The following TMEM266 variants were observed in gnomAD, a reference collection of about 807,000 sequenced individuals.
The protein encoded by TMEM266 is transmembrane protein 266.
A neutral mutation model predicts 50.5 loss-of-function variants in TMEM266; 33 were observed. The ratio of observed to expected loss-of-function variants is 0.65; its 90% CI spans 0.50 to 0.87. The LOEUF (loss-of-function observed/expected upper bound fraction) is 0.87. Ranked by LOEUF, TMEM266 falls within the 40% of genes least tolerant of loss-of-function variation. TMEM266 has a pLI of 0.00. For missense variants in TMEM266, 655 were observed against 695.1 expected, an observed-to-expected ratio of 0.94 and a Z score of 0.65; for synonymous variants, 310 against 292.3, an observed-to-expected ratio of 1.06 and a Z score of -0.62.
chr15:76,187,078 C>T (rs932033235), intron 8 of TMEM266, among the ~76,000 whole-genome samples: 9 of 152,252 alleles, frequency 5.9e-5, no homozygotes, highest in Admixed American at 5.9e-4. Flanking sequence ...CTGAGAAAGG[C>T]ATTTTCATTC....
chr15:76,146,776 G>A (rs2037763291), intron 3 of TMEM266, among the ~76,000 whole-genome samples: 1 of 152,186 alleles, frequency 6.6e-6, no homozygotes, highest in South Asian at 2.1e-4. Flanking sequence ...GAGGGCCACA[G>A]CCTCCAGAAA....
Position 76,204,386 on chromosome 15 carries a change from C to T in TMEM266, c.*71C>T. On this transcript the variant is annotated 3_prime_UTR_variant, in exon 11 of 11. Transcript: ENST00000388942. ...AGCTCTCCTGGGACCCTGGAGGCTGCCAAGGGCCACACGCGGGGCCCAGGA... is the reference window on the plus strand; with the variant it reads ...AGCTCTCCTGGGACCCTGGAGGCTGTCAAGGGCCACACGCGGGGCCCAGGA... The T allele has an allele frequency of 2.1e-6, 3 of 1,445,254 alleles. No homozygotes were observed. Among genetic ancestry groups the T allele is most frequent in the Non-Finnish European group, 2.8e-6 (3 of 1,067,086 alleles). 89.5% of individuals were successfully genotyped at this position (1,445,254 alleles called of 1,614,324 possible).
At chr15:76,075,409 G>A (rs1188458510) in intron 1 of TMEM266, among the ~76,000 whole-genome samples, 1 of 152,150 alleles carries the variant, frequency 6.6e-6, no homozygotes, top group Non-Finnish European at 1.5e-5. Context: ...GCAAAATAGT[G>A]TTTCAAGGAG....
In TMEM266 at chr15:76,191,757, G is replaced by C. The variant is rs1596167169; in HGVS notation, c.769-211G>C. On this transcript the variant is annotated intron_variant, in intron 8 of 10. Coordinates refer to ENST00000388942, the MANE Select transcript of TMEM266 (RefSeq NM_152335.3). Reference sequence around the variant, plus strand: ...CAGACTGCAAGGCACCTGAGACGCAGGATCGCACAGGTTGGAAAAGGCTCC... The same window carrying C: ...CAGACTGCAAGGCACCTGAGACGCACGATCGCACAGGTTGGAAAAGGCTCC... 9.8e-6 allele frequency: 5 copies of C among 510,584 alleles called. No individual in the cohort carries two copies. In the East Asian group the frequency reaches 1.4e-4, roughly 15 times the overall value. The allele number at this position is 510,584 out of a possible 1,614,324, so 31.6% of individuals were successfully genotyped here.
In TMEM266 at chr15:76,188,905, A is replaced by G. The variant is rs567402102; in HGVS notation, c.769-3063A>G. ...AAGAAACTATCTCTTGGACAAGTAC[A>G]GTGGCTCACACCTGTAATCCTAGCA... On this transcript the variant is annotated intron_variant, in intron 8 of 10. Coordinates refer to ENST00000388942, the MANE Select transcript of TMEM266 (RefSeq NM_152335.3). Among the ~76,000 whole-genome samples, 3 of 152,304 alleles carry G rather than the reference A, an allele frequency of 2.0e-5. No individual in the cohort carries two copies. The South Asian group carries it at 6.2e-4, about 32-fold the overall frequency.
chr15:76,201,285 C>T (rs560173859), intron 9 of TMEM266, among the ~76,000 whole-genome samples: 4 of 152,294 alleles, frequency 2.6e-5, no homozygotes, highest in Admixed American at 2.6e-4. Flanking sequence ...CTTAGGATGG[C>T]TTTTGGGGTC....
In TMEM266 at chr15:76,163,370, C is replaced by T. The variant is rs2038046202; in HGVS notation, c.456+3202C>T. Among the ~76,000 whole-genome samples the T allele has an allele frequency of 1.3e-5, 2 of 152,202 alleles. 1 individual carries two copies. The highest frequency in any genetic ancestry group is 1.3e-4 in the Admixed American group (2 of 15,290). On this transcript the variant is annotated intron_variant, in intron 5 of 10. Coordinates refer to ENST00000388942, the MANE Select transcript of TMEM266 (RefSeq NM_152335.3). ...GCTGTTTGACAGTGAGACAGATGCT[C>T]TCAAAGCAGTGAGAGTGGGTGCCCC...
intron 3 of TMEM266, among the ~76,000 whole-genome samples, chr15:76,152,806 C>T (rs1596137783): frequency 6.6e-6 from 1 of 152,300 alleles, no homozygotes; most frequent in East Asian, 1.9e-4. Context: ...CCCATCACAC[C>T]AGCACCTGTT....
chr15:76,110,911 T>A (rs2037161424), intron 1 of TMEM266, among the ~76,000 whole-genome samples: 1 of 152,036 alleles, frequency 6.6e-6, no homozygotes, highest in African/African-American at 2.4e-5. Context: ...AACAAGGAAA[T>A]GCAAATTAAA....
chr15:76,064,988 A>G, intron 1 of TMEM266, among the ~76,000 whole-genome samples: 1 of 152,216 alleles, frequency 6.6e-6, no homozygotes, highest in East Asian at 1.9e-4. Flanking sequence ...CCTTCTGCCC[A>G]TGACAGTTTC....
At chr15:76,186,938 C>G (rs778621165) in intron 8 of TMEM266, among the ~76,000 whole-genome samples, 3 of 152,128 alleles carry the variant, frequency 2.0e-5, no homozygotes, top group Admixed American at 2.0e-4. Flanking sequence ...CCCTCTGGCC[C>G]TTGTACACAC....
chr15:76,073,998 G>C (rs1192573449), intron 1 of TMEM266, among the ~76,000 whole-genome samples: 1 of 151,170 alleles, frequency 6.6e-6, no homozygotes, highest in Non-Finnish European at 1.5e-5. Flanking sequence ...TTTGTTTGTA[G>C]TCGAATACTA....
Position 76,119,431 on chromosome 15 carries a change from G to A in TMEM266, c.-96-14737G>A, listed in dbSNP as rs1042910292. 1.1e-4 allele frequency among the ~76,000 whole-genome samples: 16 copies of A among 151,426 alleles called. 1 individual carries two copies. The highest frequency in any genetic ancestry group is 9.2e-4 in the Admixed American group (14 of 15,192). ...AAAAAAAGAAAAGAAAAGAAAATAG[G>A]GTCTCAGGGGGACTAGCTGTTGCTG... is the stretch of plus-strand genomic sequence containing the variant. On this transcript the variant is annotated intron_variant, in intron 1 of 10. Transcript: ENST00000388942.
intron 10 of TMEM266, 126 bp downstream of exon 10, chr15:76,202,390 T>G (rs2038762753): frequency 1.2e-6 from 1 of 815,554 alleles, no homozygotes; most frequent in Non-Finnish European, 1.9e-6. Context: ...CTGCAGGCAG[T>G]GCTCAAGGTT....
In TMEM266 at chr15:76,153,453, C is replaced by T. The variant is rs541139368; in HGVS notation, c.228-3151C>T. On this transcript the variant is annotated intron_variant, in intron 3 of 10. Transcript: ENST00000388942. This position sits in a 1 kb window ranked among gnomAD's most constrained non-coding sequence, Gnocchi z 4.2. ...GGCAGCTGCCCTTTTTATTCATAAC[C>T]GCCTGAAGGTGCTTGGCTCAGATTT... Among the ~76,000 whole-genome samples the T allele has an allele frequency of 6.6e-6, 1 of 152,202 alleles. No individual in the cohort carries two copies.
chr15:76,130,816 A>G (rs1273981565), intron 1 of TMEM266, among the ~76,000 whole-genome samples: 1 of 152,196 alleles, frequency 6.6e-6, no homozygotes, highest in African/African-American at 2.4e-5. Flanking sequence ...TCCTTCCTAA[A>G]AAGTTAAATT....
intron 1 of TMEM266, among the ~76,000 whole-genome samples, chr15:76,064,612 C>T (rs1216091170): frequency 6.6e-6 from 1 of 152,216 alleles, no homozygotes; most frequent in East Asian, 1.9e-4. Flanking sequence ...CCTAGGCAGT[C>T]TGAATTACCC....
At chr15:76,132,801 A>C (rs934303311) in intron 1 of TMEM266, among the ~76,000 whole-genome samples, 6 of 139,130 alleles carry the variant, frequency 4.3e-5, no homozygotes, top group Non-Finnish European at 6.2e-5. Flanking sequence ...TCTCTCAAAT[A>C]ATAATAATAG....
intron 1 of TMEM266, among the ~76,000 whole-genome samples, chr15:76,074,442 A>T (rs2036577582): frequency 1.3e-5 from 2 of 152,180 alleles, no homozygotes; most frequent in Non-Finnish European, 2.9e-5. Context: ...ACTCCTTTAC[A>T]GCTTTGCACT....
Sources: allele counts gnomAD v4.1 joint callset (sites outside exome capture counted in the v4.1 genomes callset), GRCh38; gene constraint gnomAD v4.1.1; non-coding constraint Gnocchi (gnomAD v3.1); transcripts MANE v1.5; gene names NCBI Gene and HGNC (gene_info 2026-07-23, HGNC 2026-07-21).